ACAD10: variants seen among roughly 807,000 people sequenced by gnomAD.
ACAD10 encodes the protein acyl-CoA dehydrogenase family member 10.
A neutral mutation model predicts 116.8 loss-of-function variants in ACAD10; 112 were observed. That is an observed-to-expected ratio of 0.96 (90% CI 0.82 to 1.12). The LOEUF (loss-of-function observed/expected upper bound fraction) is 1.12, where lower values mean the gene tolerates loss of function less well. ACAD10 is among the 50% of genes most tolerant of loss of function. The probability of loss-of-function intolerance (pLI) is 0.00; values close to 1 mark genes in which losing one functional copy is unlikely to be tolerated. For missense variants in ACAD10, 1,259 were observed against 1,350.2 expected, an observed-to-expected ratio of 0.93 and a Z score of 1.06; for synonymous variants, 486 against 510.6, an observed-to-expected ratio of 0.95 and a Z score of 0.65.
intron 11 of ACAD10, among the ~76,000 whole-genome samples, chr12:111,735,405 A>T (rs1362962283): frequency 6.6e-6 from 1 of 152,196 alleles, no homozygotes; most frequent in Non-Finnish European, 1.5e-5. Context: ...TAGGAATGGA[A>T]TATATTACAT....
chr12:111,743,879 T>A (rs1192796069), intron 12 of ACAD10, among the ~76,000 whole-genome samples: 1 of 152,076 alleles, frequency 6.6e-6, no homozygotes, highest in Non-Finnish European at 1.5e-5. Flanking sequence ...CCTGAGTAGC[T>A]GAGATTACAG....
At chr12:111,726,654 G>C (rs770081220) in intron 8 of ACAD10, among the ~76,000 whole-genome samples, 1 of 152,056 alleles carries the variant, frequency 6.6e-6, no homozygotes. Context: ...GAGGTCAGGA[G>C]ATTGAGACCA....
At chr12:111,712,241 A>G (rs555095590) in intron 5 of ACAD10, among the ~76,000 whole-genome samples, 17 of 152,284 alleles carry the variant, frequency 1.1e-4, no homozygotes, top group Non-Finnish European at 2.4e-4. Context: ...TGCTGAGTAA[A>G]TTAAATTTAT....
chr12:111,713,292 C>G (rs963978471), intron 6 of ACAD10, among the ~76,000 whole-genome samples: 1 of 149,580 alleles, frequency 6.7e-6, no homozygotes, highest in Non-Finnish European at 1.5e-5. Flanking sequence ...GCCTGGGTGA[C>G]AGAGCAAGAC....
chr12:111,719,832 A>G (rs1428087700), intron 7 of ACAD10, among the ~76,000 whole-genome samples: 1 of 152,082 alleles, frequency 6.6e-6, no homozygotes, highest in Non-Finnish European at 1.5e-5. Context: ...GGTTCACGCC[A>G]TTCTCCTGCC....
rs1566153748 is a variant in ACAD10, at chr12:111,722,403, T to TTTA, written c.1061+667_1061+669dup. ...TATTTATTTATTTATTTATTTATTT[T>TTTA]TTATTGATAATTCTTGGGTGTTTCT... On this transcript the variant is annotated intron_variant, in intron 8 of 20. Coordinates refer to ENST00000313698, the MANE Select transcript of ACAD10 (RefSeq NM_025247.6). Among the ~76,000 whole-genome samples, 25 of 135,034 alleles carry TTTA rather than the reference T, an allele frequency of 1.9e-4. 1 individual carries two copies. In the South Asian group the frequency reaches 3.3e-3, roughly 18 times the overall value. The allele number at this position is 135,034 out of a possible 152,430, so 88.6% of individuals were successfully genotyped here. A position where few individuals can be genotyped will look rare whatever the true frequency, so the allele number is the denominator to read the frequency against.
intron 10 of ACAD10, 129 bp from the exon 11 acceptor site, chr12:111,733,794 C>G: frequency 8.5e-7 from 1 of 1,173,522 alleles, no homozygotes; most frequent in Non-Finnish European, 1.2e-6. Flanking sequence ...GCCCAGGGAG[C>G]TCAGGCACCC....
rs372199411 is a variant in ACAD10, at chr12:111,735,479, G to A, written c.1541-1352G>A. On this transcript the variant is annotated intron_variant, in intron 11 of 20. Coordinates refer to ENST00000313698, the MANE Select transcript of ACAD10 (RefSeq NM_025247.6). The stretch of plus-strand genomic sequence containing the variant: ...AGTGAATTTTTTTTTTTTTTGAGAC[G>A]GAGTCTCGCTCTGTTGCCCAGGCTA... Among the ~76,000 whole-genome samples the A allele has an allele frequency of 9.3e-5, 14 of 149,844 alleles. No homozygotes were observed. The South Asian group carries it at 1.1e-3, about 11-fold the overall frequency.
chr12:111,692,887 G>C lies in ACAD10; in HGVS notation c.178G>C (p.Val60Leu), dbSNP rs1360500893. ...GGVLIPSPGR[V>L]AAEWEVQNRI... ...AGTTCTCATTCCTTCTCCAGGGAGAGTCGCTGCAGGTGAGCTATTGATTCT... is the reference window on the plus strand; with the variant it reads ...AGTTCTCATTCCTTCTCCAGGGAGACTCGCTGCAGGTGAGCTATTGATTCT... Residue 60 changes from valine (V) to leucine (L), a missense_variant, in exon 2 of 21, where the codon GTC (valine) becomes CTC (leucine). Val to Leu is a conservative substitution (Grantham distance 32). Coordinates refer to ENST00000313698, the MANE Select transcript of ACAD10 (RefSeq NM_025247.6). 1 of 1,614,022 alleles carries C rather than the reference G, an allele frequency of 6.2e-7. No homozygotes were observed. The highest frequency in any genetic ancestry group is 8.5e-7 in the Non-Finnish European group (1 of 1,179,942).
chr12:111,714,512 A>G (rs1888785305), intron 6 of ACAD10, among the ~76,000 whole-genome samples: 1 of 151,272 alleles, frequency 6.6e-6, no homozygotes, highest in Non-Finnish European at 1.5e-5. Context: ...TAAAAATACA[A>G]AAATTAGCCG....
At chr12:111,687,072 G>A (rs904627561) in intron 1 of ACAD10, among the ~76,000 whole-genome samples, 1 of 152,206 alleles carries the variant, frequency 6.6e-6, no homozygotes, top group South Asian at 2.1e-4. Flanking sequence ...TTTGTATGTA[G>A]ATACTGACAC....
At chr12:111,752,221 T>C (rs1890091040) in intron 18 of ACAD10, among the ~76,000 whole-genome samples, 1 of 151,254 alleles carries the variant, frequency 6.6e-6, no homozygotes, top group South Asian at 2.1e-4. Context: ...CAACACCCTG[T>C]CTGGGAAAAA....
chr12:111,727,713 GTGTGTGTGTGCACGTGTGTATGTATA>G (rs1291199804), intron 8 of ACAD10, among the ~76,000 whole-genome samples: 2 of 152,020 alleles, frequency 1.3e-5, no homozygotes, highest in Non-Finnish European at 2.9e-5. Context: ...GGGTGTGCAT[GTGTGTGTGTGCACGTGTGTATGTATA>G]TGTGTGTGTG....
At chr12:111,724,453 C>T (rs574181432) in intron 8 of ACAD10, among the ~76,000 whole-genome samples, 5 of 152,278 alleles carry the variant, frequency 3.3e-5, no homozygotes, top group South Asian at 4.1e-4. Context: ...CCAAGGCAGG[C>T]GGCTGGGAGG....
intron 1 of ACAD10, chr12:111,688,176 A>AT (rs1351101926): frequency 6.6e-6 from 1 of 152,040 alleles, no homozygotes; most frequent in Non-Finnish European, 1.5e-5. Flanking sequence ...CCCCAAAGGC[A>AT]TTTTTCGTCT....
At chr12:111,692,188 G>A (rs967790963) in intron 1 of ACAD10, among the ~76,000 whole-genome samples, 12 of 152,150 alleles carry the variant, frequency 7.9e-5, no homozygotes, top group Admixed American at 2.0e-4. Flanking sequence ...GGCTGGTCTC[G>A]AACTCGCAAC....
At chr12:111,740,256 G>C (rs550354830) in intron 12 of ACAD10, among the ~76,000 whole-genome samples, 1 of 152,182 alleles carries the variant, frequency 6.6e-6, no homozygotes, top group Non-Finnish European at 1.5e-5. Context: ...CTGAGGTCGG[G>C]AGTTTGAGAC....
intron 11 of ACAD10, among the ~76,000 whole-genome samples, chr12:111,734,382 C>G (rs964140402): frequency 6.6e-6 from 1 of 152,184 alleles, no homozygotes; most frequent in Non-Finnish European, 1.5e-5. Flanking sequence ...AATCCCAGCA[C>G]GTTGGGAGGC....
At chr12:111,753,599 G>A in intron 18 of ACAD10, 173 bp from the exon 19 acceptor site, 1 of 835,942 alleles carries the variant, frequency 1.2e-6, no homozygotes. Context: ...CCTGGACATG[G>A]CGCATGGCTG....
Sources: gnomAD v4.1 joint callset for allele counts (sites outside exome capture counted in the v4.1 genomes callset) on GRCh38, gnomAD v4.1.1 for gene constraint, MANE v1.5 for transcripts, NCBI Gene and HGNC (gene_info 2026-07-23, HGNC 2026-07-21) for gene names.